SHOC1: variants seen among roughly 807,000 people sequenced by gnomAD.
The protein encoded by SHOC1 is shortage in chiasmata 1, also known as protein shortage in chiasmata 1 ortholog.
A neutral mutation model predicts 179.2 loss-of-function variants in SHOC1; 136 were observed. The ratio of observed to expected loss-of-function variants is 0.76; its 90% CI spans 0.66 to 0.87. The LOEUF (loss-of-function observed/expected upper bound fraction) is 0.87, where lower values mean the gene tolerates loss of function less well. Ranked by LOEUF, SHOC1 falls within the 40% of genes least tolerant of loss-of-function variation. SHOC1 has a pLI of 0.00. For missense variants in SHOC1, 1,538 were observed against 1,700.8 expected, an observed-to-expected ratio of 0.90 and a Z score of 1.68; for synonymous variants, 489 against 586.6, an observed-to-expected ratio of 0.83 and a Z score of 2.41.
chr9:111,702,291 T>A, intron 22 of SHOC1, 65 bp from the exon 23 acceptor site: 10 of 1,055,160 alleles, frequency 9.5e-6, no homozygotes, highest in Non-Finnish European at 1.4e-5. Flanking sequence ...AATTATGTTA[T>A]CATTATTTCA....
At chr9:111,719,695 A>G (rs2131403046) in intron 15 of SHOC1, among the ~76,000 whole-genome samples, 1 of 152,252 alleles carries the variant, frequency 6.6e-6, no homozygotes, top group Non-Finnish European at 1.5e-5. Flanking sequence ...TGGCTCAGGT[A>G]TTTCAAGTAG....
Position 111,703,953 on chromosome 9 carries a change from T to G in SHOC1, c.2895A>C (p.Ser965=), listed in dbSNP as rs1185733085. Residue 965 remains serine (S), a synonymous_variant, in exon 22 of 28, where the codon TCA becomes TCC. Coordinates refer to ENST00000682961, the MANE Select transcript of SHOC1 (RefSeq NM_001378211.1). ...ACTCTGAACTTCCAAAGAGTTTCAA[T>G]GACTCACTGCAGCCTCTCTCTACTA... The part of the protein sequence containing the change: ...ISLVERGCSE[S]LKLFGSSECY... 1 of 1,606,916 alleles carries G rather than the reference T, an allele frequency of 6.2e-7. No homozygotes were observed.
Position 111,686,950 on chromosome 9 carries a change from T to TC in SHOC1, c.4427-81_4427-80insG, listed in dbSNP as rs1367919934. On this transcript the variant is annotated intron_variant, in intron 27 of 27. Coordinates refer to ENST00000682961, the MANE Select transcript of SHOC1 (RefSeq NM_001378211.1). ...GGTTTTTTCTTTTCCTTTTTTTTTTTTTTTTCTTTTTTGAGATGAAGTTTT... is the reference window on the plus strand; with the variant it reads ...GGTTTTTTCTTTTCCTTTTTTTTTTTCTTTTTCTTTTTTGAGATGAAGTTTT... 1.2e-5 allele frequency: 11 copies of TC among 948,862 alleles called. No homozygotes were observed. In the East Asian group the frequency reaches 3.0e-4, roughly 25 times the overall value. The allele number at this position is 948,862 out of a possible 1,614,324, so 58.8% of individuals were successfully genotyped here.
intron 3 of SHOC1, among the ~76,000 whole-genome samples, chr9:111,784,064 G>T (rs1836177307): frequency 6.6e-6 from 1 of 152,216 alleles, no homozygotes; most frequent in African/African-American, 2.4e-5. Flanking sequence ...CTTTATCTCA[G>T]AATGTTGCAT....
chr9:111,741,558 A>G lies in SHOC1; in HGVS notation c.1092T>C (p.Thr364=). 1 of 1,599,604 alleles carries G rather than the reference A, an allele frequency of 6.3e-7. No homozygotes were observed. The highest frequency in any genetic ancestry group is 8.5e-7 in the Non-Finnish European group (1 of 1,171,100). ...AGTATTCATTAGCTGATTCTTCAGC[A>G]GTAAGCAAATTACTGAAAAAAAGAG... ...LSPVCKINLL[T]AEESANEYYM... Residue 364 remains threonine, a synonymous_variant, in exon 11 of 28, where the codon ACT becomes ACC. Coordinates refer to ENST00000682961, the MANE Select transcript of SHOC1 (RefSeq NM_001378211.1).
chr9:111,739,738 C>T, intron 11 of SHOC1, among the ~76,000 whole-genome samples: 1 of 151,862 alleles, frequency 6.6e-6, no homozygotes, highest in East Asian at 1.9e-4. Flanking sequence ...GTATATTATA[C>T]TATGTAACTG....
At chr9:111,688,473 A>G (rs1831282065) in intron 27 of SHOC1, among the ~76,000 whole-genome samples, 1 of 152,206 alleles carries the variant, frequency 6.6e-6, no homozygotes, top group South Asian at 2.1e-4. Context: ...AAGTGTCCCA[A>G]GTACATTCAC....
rs112548231 is a variant in SHOC1, at chr9:111,751,575, T to C, written c.863-3376A>G. On this transcript the variant is annotated intron_variant, in intron 8 of 27. Transcript: ENST00000682961. ...GTTCTCCTATTTATAAAATAAGGAA[T>C]TTAGCATATTTTTTCACCAAAACTT... is the stretch of plus-strand genomic sequence containing the variant. 6.4e-3 allele frequency among the ~76,000 whole-genome samples: 969 copies of C among 152,298 alleles called. 11 individuals are homozygous for C. Among genetic ancestry groups the C allele is most frequent in the African/African-American group, 0.023 (937 of 41,546 alleles).
intron 25 of SHOC1, 106 bp downstream of exon 25, chr9:111,694,125 C>G (rs777541427): frequency 5.7e-6 from 7 of 1,236,710 alleles, no homozygotes; most frequent in Admixed American, 2.3e-5. Context: ...GCACCTACCA[C>G]TCAATTTGAG....
chr9:111,714,684 T>TA (rs1263984077), intron 16 of SHOC1, 61 bp from the exon 17 acceptor site: 51 of 1,391,410 alleles, frequency 3.7e-5, no homozygotes, highest in East Asian at 7.3e-5. Context: ...AACTCCGTGG[T>TA]AAAAAAGGCT....
intron 18 of SHOC1, 141 bp downstream of exon 18, chr9:111,712,959 A>T: frequency 3.5e-6 from 2 of 578,776 alleles, no homozygotes; most frequent in Non-Finnish European, 6.1e-6. Flanking sequence ...AGCTGGTTAG[A>T]TCCCAATGAG....
chr9:111,734,406 A>T (rs957550722), intron 12 of SHOC1, among the ~76,000 whole-genome samples: 14 of 152,154 alleles, frequency 9.2e-5, no homozygotes, highest in African/African-American at 3.4e-4. Flanking sequence ...TACTAACCTG[A>T]CCTAATCTTA....
intron 24 of SHOC1, among the ~76,000 whole-genome samples, chr9:111,698,797 C>T (rs10981018): frequency 0.057 from 8,662 of 152,100 alleles, 628 homozygotes; most frequent in African/African-American, 0.17. Flanking sequence ...TGGAGGCATA[C>T]TCAGTAAATG....
intron 1 of SHOC1, 142 bp from the exon 2 acceptor site, chr9:111,791,596 A>C: frequency 2.7e-6 from 1 of 363,792 alleles, no homozygotes; most frequent in Non-Finnish European, 4.9e-6. Flanking sequence ...CATTACTATA[A>C]TTTTAAATCT....
intron 3 of SHOC1, among the ~76,000 whole-genome samples, chr9:111,784,184 G>C (rs2085974429): frequency 6.6e-6 from 1 of 152,182 alleles, no homozygotes; most frequent in African/African-American, 2.4e-5. Flanking sequence ...GTAACCAATT[G>C]CCTTCTTAAT....
intron 10 of SHOC1, among the ~76,000 whole-genome samples, chr9:111,743,405 C>A (rs1381707267): frequency 6.6e-6 from 1 of 152,136 alleles, no homozygotes; most frequent in Non-Finnish European, 1.5e-5. Flanking sequence ...CTGTTGCGAG[C>A]AGTGTGATGA....
intron 5 of SHOC1, among the ~76,000 whole-genome samples, chr9:111,771,308 C>T (rs1327114053): frequency 6.6e-6 from 1 of 151,640 alleles, no homozygotes; most frequent in South Asian, 2.1e-4. Flanking sequence ...ACACAAAATG[C>T]CACATTTTGA....
Position 111,714,610 on chromosome 9 carries a change from CT to C in SHOC1, c.2249del (p.Lys750ArgfsTer10). On this transcript the variant is annotated frameshift_variant, in exon 17 of 28. Transcript: ENST00000682961. LOFTEE classifies it high-confidence loss of function. ...SLDTALGYLS[K>X]AKDIYNSILG... Reference sequence around the variant, plus strand: ...AAATGCTGTTGTAGATATCTTTTGCCTTCGACAAATATCCTATTGAAGCAAA... The same window carrying C: ...AAATGCTGTTGTAGATATCTTTTGCCTCGACAAATATCCTATTGAAGCAAA... The C allele has an allele frequency of 6.2e-7, 1 of 1,609,950 alleles. No homozygotes were observed. The highest frequency in any genetic ancestry group is 2.2e-5 in the East Asian group (1 of 44,694).
intron 20 of SHOC1, 89 bp from the exon 21 acceptor site, chr9:111,705,453 TAGG>T (rs1832225658): frequency 1.9e-6 from 1 of 527,786 alleles, no homozygotes; most frequent in East Asian, 3.3e-5. Flanking sequence ...TGAGGATAAG[TAGG>T]AGTAGTATAA....
Sources: gnomAD v4.1 joint callset for allele counts (sites outside exome capture counted in the v4.1 genomes callset) on GRCh38, gnomAD v4.1.1 for gene constraint, MANE v1.5 for transcripts, NCBI Gene and HGNC (gene_info 2026-07-23, HGNC 2026-07-21) for gene names.